SIGLEC8: variants seen among roughly 807,000 people sequenced by gnomAD.
SIGLEC8 encodes sialic acid-binding Ig-like lectin 8.
In SIGLEC8, 32 loss-of-function variants were observed where a neutral mutation model predicts 42.1. The ratio of observed to expected loss-of-function variants is 0.76; its 90% CI spans 0.57 to 1.02. The LOEUF is 1.02. Among genes scored for constraint, SIGLEC8 ranks in the 50% least tolerant of loss-of-function variants. The pLI is 0.00. For missense variants in SIGLEC8, 611 were observed against 610.2 expected, an observed-to-expected ratio of 1.00 and a Z score of -0.01; for synonymous variants, 262 against 260.3, an observed-to-expected ratio of 1.01 and a Z score of -0.06.
Position 51,455,436 on chromosome 19 carries a change from G to A in SIGLEC8, c.1033C>T (p.Leu345=), listed in dbSNP as rs1989465769. 1 of 1,613,894 alleles carries A rather than the reference G, an allele frequency of 6.2e-7. No individual in the cohort carries two copies. Among genetic ancestry groups the A allele is most frequent in the African/African-American group, 1.3e-5 (1 of 74,928 alleles). The change falls in exon 4 of 7, where the codon CTG becomes TTG. Residue 345 remains leucine, a synonymous_variant. Transcript: ENST00000321424. The stretch of plus-strand genomic sequence containing the variant: ...TACCCACCTGTGCCCTCATTCTGCA[G>A]GGAGAGGCTCAGGGAAATGTGCTGG... ...GSQHISLSLS[L]QNEGTGTSRP... is the part of the protein sequence containing the mutation.
rs1321022094 is a variant in SIGLEC8 at position 51,451,267 on chromosome 19, C to A, written c.*1112G>T. Reference sequence around the variant, plus strand: ...CACATGGGGATTATAATTCTGATTACAATTCTAGATAAGATTTGGGTGGGG... The same window carrying A: ...CACATGGGGATTATAATTCTGATTAAAATTCTAGATAAGATTTGGGTGGGG... On this transcript the variant is annotated 3_prime_UTR_variant, in exon 7 of 7. Transcript: ENST00000321424. The A allele has an allele frequency of 6.6e-6, 1 of 152,060 alleles. No homozygotes were observed. Among genetic ancestry groups the A allele is most frequent in the Non-Finnish European group, 1.5e-5 (1 of 68,002 alleles). 9.4% of individuals were successfully genotyped at this position (152,060 alleles called of 1,614,324 possible).
chr19:51,455,639 T>C lies in SIGLEC8; in HGVS notation c.830A>G (p.Gln277Arg). 2.5e-6 allele frequency: 4 copies of C among 1,613,878 alleles called. No individual in the cohort carries two copies. Among genetic ancestry groups the C allele is most frequent in the Non-Finnish European group, 3.4e-6 (4 of 1,179,864 alleles). ...NGSSLSVLEGQSLRLVCAVNS... is the reference protein window; with the variant it reads ...NGSSLSVLEGRSLRLVCAVNS... ...GACAGCACAGACCAGGCGCAGAGAC[T>C]GGCCCTCAAGGACTGAAAGAGATGA... Residue 277 changes from glutamine to arginine, a missense_variant, in exon 4 of 7, where the codon CAG (glutamine) becomes CGG (arginine). Physicochemically the swap from Gln to Arg is conservative, Grantham distance 43. Transcript: ENST00000321424.
intron 4 of SIGLEC8, among the ~76,000 whole-genome samples, 194 bp downstream of exon 4, chr19:51,455,224 C>A (rs1989460679): frequency 1.3e-5 from 2 of 152,182 alleles, no homozygotes; most frequent in Non-Finnish European, 2.9e-5. Flanking sequence ...CCAAGACCCA[C>A]TCCTCCCCTC....
chr19:51,458,377 A>G lies in SIGLEC8; in HGVS notation c.11T>C (p.Leu4Pro). ...CCAGAGCAGGGGCAGCAGCAGCAGC[A>G]GCAGCAGCATGTCTGGGTTTGAAGG... The part of the protein sequence containing the change: MLL[L>P]LLLLPLLWGT... Residue 4 changes from leucine (L) to proline (P), a missense_variant, in exon 1 of 7, where the codon CTG becomes CCG. Leu to Pro is a moderately conservative substitution (Grantham distance 98, BLOSUM62 -3). Coordinates refer to ENST00000321424, the MANE Select transcript of SIGLEC8 (RefSeq NM_014442.3). The G allele has an allele frequency of 6.2e-7, 1 of 1,613,118 alleles. No homozygotes were observed. Among genetic ancestry groups the G allele is most frequent in the African/African-American group, 1.3e-5 (1 of 75,054 alleles).
intron 2 of SIGLEC8, 71 bp from the exon 3 acceptor site, chr19:51,457,302 C>T: frequency 3.3e-6 from 5 of 1,528,298 alleles, no homozygotes; most frequent in South Asian, 2.4e-5. Context: ...TTCCCAGGAG[C>T]TGCAAATACA....
At chr19:51,452,789 T>A (rs999759579) in intron 6 of SIGLEC8, among the ~76,000 whole-genome samples, 156 bp from the exon 7 acceptor site, 1 of 152,200 alleles carries the variant, frequency 6.6e-6, no homozygotes, top group East Asian at 1.9e-4. Flanking sequence ...ATTTAACACT[T>A]ACTGAGCACC....
chr19:51,453,678 G>C, intron 6 of SIGLEC8: 1 of 901,376 alleles, frequency 1.1e-6, no homozygotes, highest in South Asian at 5.1e-5. Flanking sequence ...CTAGGTGACA[G>C]AGCAAGATTC....
Position 51,455,563 on chromosome 19 carries a change from C to G in SIGLEC8, c.906G>C (p.Leu302=). The G allele has an allele frequency of 1.2e-6, 2 of 1,614,100 alleles. No individual in the cohort carries two copies. The highest frequency in any genetic ancestry group is 1.7e-6 in the Non-Finnish European group (2 of 1,179,982). ...RLSWTRGSLT[L]CPSRSSNPGL... ...CAGGGTTTGAGGACCGTGAGGGGCA[C>G]AGGGTCAGGCTCCCCCGGGTCCAGC... The change falls in exon 4 of 7, where the codon CTG becomes CTC. Residue 302 remains leucine (L), a synonymous_variant. Coordinates refer to ENST00000321424, the MANE Select transcript of SIGLEC8 (RefSeq NM_014442.3).
Position 51,454,889 on chromosome 19 carries a change from C to G in SIGLEC8, c.1052-109G>C. ...ACTTCCATTCCCCTCTTCTCCTTCC[C>G]AGACACAGAATACGAATGGGAGGGA... On this transcript the variant is annotated intron_variant, in intron 4 of 6. Transcript: ENST00000321424. The surrounding 1 kb of genome is among the most constrained non-coding windows in gnomAD (Gnocchi z 4.7). 1.3e-6 allele frequency: 1 copy of G among 757,192 alleles called. No individual in the cohort carries two copies. Among genetic ancestry groups the G allele is most frequent in the Admixed American group, 2.1e-5 (1 of 46,786 alleles). 46.9% of individuals were successfully genotyped at this position (757,192 alleles called of 1,614,324 possible).
intron 2 of SIGLEC8, 98 bp from the exon 3 acceptor site, chr19:51,457,329 C>T (rs1989518295): frequency 6.7e-7 from 1 of 1,493,178 alleles, no homozygotes; most frequent in Non-Finnish European, 9.2e-7. Flanking sequence ...ATGGAGTCGG[C>T]ATTCTCCTGA....
In SIGLEC8 at chr19:51,454,388, G is replaced by T. The variant is rs1989440802; in HGVS notation, c.1149-73C>A. ...CAGTGGGCAGACCAACCCCTGCCCT[G>T]TATTTCCTACTGGGGGCTTGAGGGG... On this transcript the variant is annotated intron_variant, in intron 5 of 6. Coordinates refer to ENST00000321424, the MANE Select transcript of SIGLEC8 (RefSeq NM_014442.3). The surrounding 1 kb of genome is among the most constrained non-coding windows in gnomAD (Gnocchi z 4.7). The T allele has an allele frequency of 5.6e-6, 9 of 1,610,932 alleles. No homozygotes were observed. In the South Asian group the frequency reaches 8.8e-5, roughly 16 times the overall value.
Position 51,454,235 on chromosome 19 carries a change from C to T in SIGLEC8, c.1229G>A (p.Arg410Lys). 6.2e-7 allele frequency: 1 copy of T among 1,614,184 alleles called. No homozygotes were observed. Among genetic ancestry groups the T allele is most frequent in the Non-Finnish European group, 8.5e-7 (1 of 1,180,012 alleles). The change falls in exon 6 of 7, where the codon AGG (arginine) becomes AAG (lysine). Residue 410 changes from arginine to lysine, a missense_variant. Arg to Lys is a conservative substitution (Grantham distance 26). Coordinates refer to ENST00000321424, the MANE Select transcript of SIGLEC8 (RefSeq NM_014442.3). The surrounding 1 kb of genome is among the most constrained non-coding windows in gnomAD (Gnocchi z 4.7). ...DTGMEDAKAI[R>K]GSASQGPLTE... ...ATCACTCACCTGAGAGGCCGAGCCCCTGATGGCCTTTGCATCTTCCATGCC... is the reference window on the plus strand; with the variant it reads ...ATCACTCACCTGAGAGGCCGAGCCCTTGATGGCCTTTGCATCTTCCATGCC...
At position 51,454,276 on chromosome 19, in the gene SIGLEC8, C is replaced by T. The variant is rs371315546; in HGVS notation, c.1188G>A (p.Ala396=). 27 of 1,614,034 alleles carry T rather than the reference C, an allele frequency of 1.7e-5. No homozygotes were observed. Among genetic ancestry groups the T allele is most frequent in the East Asian group, 6.7e-5 (3 of 44,888 alleles). Residue 396 remains alanine (A), a synonymous_variant, in exon 6 of 7, where the codon GCG becomes GCA. Coordinates refer to ENST00000321424, the MANE Select transcript of SIGLEC8 (RefSeq NM_014442.3). This position sits in a 1 kb window ranked among gnomAD's most constrained non-coding sequence, Gnocchi z 4.7. ...CTTCCATGCCTGTATCCCCCACGCC[C>T]GCTGCTGGCCTTGCCGATTTCTTCC... ...SCRKKSARPA[A]GVGDTGMEDA...
At chr19:51,457,327 G>A (rs557595662) in intron 2 of SIGLEC8, 96 bp from the exon 3 acceptor site, 53 of 1,487,790 alleles carry the variant, frequency 3.6e-5, no homozygotes, top group Admixed American at 3.3e-4. Context: ...AAATGGAGTC[G>A]GCATTCTCCT....
At chr19:51,456,385 A>G (rs1989493949) in intron 3 of SIGLEC8, among the ~76,000 whole-genome samples, 2 of 152,226 alleles carry the variant, frequency 1.3e-5, no homozygotes, top group African/African-American at 4.8e-5. Context: ...TCCACTTTTA[A>G]TTGAGAACAA....
At position 51,452,481 on chromosome 19, in the gene SIGLEC8, A is replaced by C. The variant is rs1205598311; in HGVS notation, c.1398T>G (p.Thr466=). 31 of 1,612,390 alleles carry C rather than the reference A, an allele frequency of 1.9e-5. No homozygotes were observed. Among genetic ancestry groups the C allele is most frequent in the Non-Finnish European group, 2.5e-5 (30 of 1,178,648 alleles). ...TCTTGATCTCCGAGTATTCACTGTC[A>C]GTGGCCTCCTGTCCCTGCGGGTCCT... ...KPQDPQGQEA[T]DSEYSEIKIH... is the part of the protein sequence containing the mutation. The change falls in exon 7 of 7, where the codon ACT becomes ACG. Residue 466 remains threonine (T), a synonymous_variant. Coordinates refer to ENST00000321424, the MANE Select transcript of SIGLEC8 (RefSeq NM_014442.3).
chr19:51,453,972 G>C, intron 6 of SIGLEC8: 1 of 985,268 alleles, frequency 1.0e-6, no homozygotes, highest in Non-Finnish European at 1.2e-6. Flanking sequence ...TGGTGAATCG[G>C]GGCTATAGAG....
In SIGLEC8 at chr19:51,455,349, C is replaced by T. The variant is rs1001778000; in HGVS notation, c.1051+69G>A. The T allele has an allele frequency of 1.9e-6, 3 of 1,571,426 alleles. No homozygotes were observed. In the African/African-American group the frequency reaches 4.1e-5, roughly 22 times the overall value. ...CAGAGCTGAGCTCCCCCTTGAAGCT[C>T]AGGGGCAGTGGGTGGTCCATGAGGG... On this transcript the variant is annotated intron_variant, in intron 4 of 6. Transcript: ENST00000321424.
At position 51,458,340 on chromosome 19, in the gene SIGLEC8, C is replaced by T; in HGVS notation, c.48G>A (p.Gly16=). ...CCCCATATTGTCTGTCTCCCTCCAT[C>T]CCCTTTGTCCCCCAGAGCAGGGGCA... ...LLLPLLWGTK[G]MEGDRQYGDG... The change falls in exon 1 of 7, where the codon GGG becomes GGA. Residue 16 remains glycine (G), a synonymous_variant. Coordinates refer to ENST00000321424, the MANE Select transcript of SIGLEC8 (RefSeq NM_014442.3). 1 of 1,614,010 alleles carries T rather than the reference C, an allele frequency of 6.2e-7. No individual in the cohort carries two copies. The highest frequency in any genetic ancestry group is 8.5e-7 in the Non-Finnish European group (1 of 1,179,926).
Sources: gnomAD v4.1 joint callset for allele counts (sites outside exome capture counted in the v4.1 genomes callset) on GRCh38, gnomAD v4.1.1 for gene constraint, Gnocchi (gnomAD v3.1) non-coding constraint, MANE v1.5 for transcripts, NCBI Gene and HGNC (gene_info 2026-07-23, HGNC 2026-07-21) for gene names.